Variants in NIM1K observed in about 807,000 individuals in gnomAD.
The protein encoded by NIM1K is NIM1 serine/threonine protein kinase.
A neutral mutation model predicts 37.1 loss-of-function variants in NIM1K; 35 were observed. The observed-to-expected ratio is 0.94, with a 90% confidence interval of 0.72 to 1.25. NIM1K has a LOEUF of 1.25. Ranked by LOEUF, NIM1K falls within the 50% of genes most tolerant of loss-of-function variation. The pLI, the probability that NIM1K is intolerant of heterozygous loss-of-function variation, is 0.00. For missense variants in NIM1K, 564 were observed against 548.0 expected, an observed-to-expected ratio of 1.03 and a Z score of -0.29; for synonymous variants, 234 against 206.6, an observed-to-expected ratio of 1.13 and a Z score of -1.14.
chr5:43,280,041 C>T lies in NIM1K; in HGVS notation c.623C>T (p.Thr208Ile). 4 of 1,613,978 alleles carry T rather than the reference C, an allele frequency of 2.5e-6. No homozygotes were observed. Among genetic ancestry groups the T allele is most frequent in the Non-Finnish European group, 8.5e-7 (1 of 1,179,882 alleles). Residue 208 changes from threonine to isoleucine, a missense_variant, in exon 4 of 4, where the codon ACT becomes ATT. By Grantham distance (89) the Thr-to-Ile change is moderately conservative (BLOSUM62 -1). Transcript: ENST00000326035. ...KAENVFYTSN[T>I]CVKVGDFGFS... ...GAAAATGTATTCTATACCAGTAATA[C>T]TTGTGTGAAGGTGGGCGATTTTGGA... is the stretch of plus-strand genomic sequence containing the variant.
At chr5:43,268,427 ATTGT>A (rs1327206018) in intron 2 of NIM1K, among the ~76,000 whole-genome samples, 2 of 151,870 alleles carry the variant, frequency 1.3e-5, no homozygotes, top group African/African-American at 2.4e-5. Context: ...CTTGCTGCTG[ATTGT>A]TTGGGTTGGA....
At chr5:43,197,130 T>C (rs956583231) in intron 1 of NIM1K, among the ~76,000 whole-genome samples, 3 of 150,698 alleles carry the variant, frequency 2.0e-5, no homozygotes, top group Non-Finnish European at 4.4e-5. Context: ...TATTGACTTA[T>C]TTATTTTTAT....
intron 1 of NIM1K, among the ~76,000 whole-genome samples, chr5:43,204,702 C>CT (rs1234457793): frequency 1.0e-5 from 1 of 98,208 alleles, no homozygotes; most frequent in African/African-American, 4.4e-5. Flanking sequence ...GAGGCTCTGT[C>CT]TCAAAAAAAA....
At position 43,257,337 on chromosome 5, in the gene NIM1K, G is replaced by A. The variant is rs1033702906; in HGVS notation, c.292+11270G>A. ...TGGGTTCAAGAGAGGATAATGAGGG[G>A]AGAATTAAAGACAGTAAAGTGACTC... On this transcript the variant is annotated intron_variant, in intron 2 of 3. Coordinates refer to ENST00000326035, the MANE Select transcript of NIM1K (RefSeq NM_153361.4). Among the ~76,000 whole-genome samples the A allele has an allele frequency of 4.0e-5, 6 of 151,616 alleles. No homozygotes were observed. In the Admixed American group the frequency reaches 4.0e-4, roughly 10 times the overall value.
At chr5:43,252,656 G>T (rs1185399711) in intron 2 of NIM1K, among the ~76,000 whole-genome samples, 6 of 152,068 alleles carry the variant, frequency 3.9e-5, no homozygotes, top group Admixed American at 3.3e-4. Context: ...GTCCCTGCTG[G>T]CTGGGGTTTA....
intron 2 of NIM1K, among the ~76,000 whole-genome samples, chr5:43,268,259 T>C (rs1753199792): frequency 6.6e-6 from 1 of 152,196 alleles, no homozygotes; most frequent in African/African-American, 2.4e-5. Context: ...ATTCATGGCA[T>C]TGTGGTGAAG....
intron 1 of NIM1K, among the ~76,000 whole-genome samples, chr5:43,213,289 C>CTTTTCTTTTCTTTTCTTTTCTTTTCTTTT (rs1561075027): frequency 4.0e-4 from 15 of 37,838 alleles, no homozygotes; most frequent in African/African-American, 7.0e-4. Flanking sequence ...TGTTTCCTTT[C>CTTTTCTTTTCTTTTCTTTTCTTTTCTTTT]CTTTTCTTTT....
At chr5:43,260,532 G>C (rs1033274849) in intron 2 of NIM1K, among the ~76,000 whole-genome samples, 1 of 151,828 alleles carries the variant, frequency 6.6e-6, no homozygotes, top group African/African-American at 2.4e-5. Flanking sequence ...ATGATCATAT[G>C]GTTTTGTTTT....
At chr5:43,222,041 G>C (rs1752387366) in intron 1 of NIM1K, among the ~76,000 whole-genome samples, 2 of 152,172 alleles carry the variant, frequency 1.3e-5, no homozygotes, top group South Asian at 4.1e-4. Context: ...CAGTCCCTTT[G>C]CTTTCCAAGT....
At chr5:43,255,664 G>A (rs920955949) in intron 2 of NIM1K, among the ~76,000 whole-genome samples, 2 of 151,386 alleles carry the variant, frequency 1.3e-5, no homozygotes, top group Non-Finnish European at 2.9e-5. Context: ...CAGGAAAATC[G>A]CTTGAACCCA....
At chr5:43,201,922 G>GCA (rs534077707) in intron 1 of NIM1K, among the ~76,000 whole-genome samples, 96 of 149,826 alleles carry the variant, frequency 6.4e-4, no homozygotes, top group African/African-American at 2.4e-3. Context: ...TCGTGCCACT[G>GCA]CACTCCAGCC....
chr5:43,211,921 G>T (rs1161179520), intron 1 of NIM1K, among the ~76,000 whole-genome samples: 4 of 151,760 alleles, frequency 2.6e-5, no homozygotes. Flanking sequence ...GCACAGAATG[G>T]GATTAAGACC....
In NIM1K at chr5:43,218,478, A is replaced by G. The variant is rs377406297; in HGVS notation, c.-695+26067A>G. On this transcript the variant is annotated intron_variant, in intron 1 of 3. Transcript: ENST00000326035. ...CTCAGCTTTTGGTGAGACCTCAGGA[A>G]GTTTGCATTCATGGTGGAAGGCAAG... Among the ~76,000 whole-genome samples the G allele has an allele frequency of 1.1e-3, 163 of 152,304 alleles. 3 individuals carry two copies. The South Asian group carries it at 0.033, about 31-fold the overall frequency.
At chr5:43,274,370 G>A (rs1263106857) in intron 2 of NIM1K, among the ~76,000 whole-genome samples, 1 of 150,388 alleles carries the variant, frequency 6.6e-6, no homozygotes, top group Non-Finnish European at 1.5e-5. Context: ...GCAGAGTGAT[G>A]ATACCTTAAC....
intron 1 of NIM1K, among the ~76,000 whole-genome samples, chr5:43,212,099 C>T (rs537589241): frequency 5.3e-5 from 8 of 152,160 alleles, no homozygotes; most frequent in South Asian, 2.1e-4. Context: ...CTCTTGGATG[C>T]GCCTGGTCTG....
chr5:43,258,809 T>C (rs764126900), intron 2 of NIM1K, among the ~76,000 whole-genome samples: 1 of 152,088 alleles, frequency 6.6e-6, no homozygotes, highest in African/African-American at 2.4e-5. Context: ...GGGGTACAAG[T>C]GGTTTTTGGT....
intron 2 of NIM1K, among the ~76,000 whole-genome samples, chr5:43,262,506 G>A (rs545604656): frequency 2.0e-5 from 3 of 152,220 alleles, no homozygotes; most frequent in East Asian, 1.9e-4. Context: ...GGAGATTTGC[G>A]GCTGAGACGA....
chr5:43,199,344 C>G (rs181122154), intron 1 of NIM1K, among the ~76,000 whole-genome samples: 1 of 150,654 alleles, frequency 6.6e-6, no homozygotes, highest in Admixed American at 6.6e-5. Flanking sequence ...AAGTTAGGTA[C>G]GCTTTGGCCT....
chr5:43,203,720 C>A (rs1752066733), intron 1 of NIM1K, among the ~76,000 whole-genome samples: 1 of 152,106 alleles, frequency 6.6e-6, no homozygotes, highest in Non-Finnish European at 1.5e-5. Context: ...CTAGTCTCAA[C>A]TTTCCATAAA....
Sources: allele counts gnomAD v4.1 joint callset (sites outside exome capture counted in the v4.1 genomes callset), GRCh38; gene constraint gnomAD v4.1.1; transcripts MANE v1.5; gene names NCBI Gene and HGNC (gene_info 2026-07-23, HGNC 2026-07-21).